POU6F2: variants seen among roughly 807,000 people sequenced by gnomAD.
POU6F2 encodes the protein POU domain, class 6, transcription factor 2.
A neutral mutation model predicts 71.3 loss-of-function variants in POU6F2; 31 were observed. That is an observed-to-expected ratio of 0.43 (90% CI 0.33 to 0.59). The LOEUF (loss-of-function observed/expected upper bound fraction) is 0.59, where lower values mean the gene tolerates loss of function less well. POU6F2 is among the 20% of genes least tolerant of loss of function. The probability of loss-of-function intolerance (pLI) is 0.04; values close to 1 mark genes in which losing one functional copy is unlikely to be tolerated. For synonymous variants in POU6F2, 347 were observed against 355.7 expected, an observed-to-expected ratio of 0.98 and a Z score of 0.27; for missense variants, 783 against 856.8, an observed-to-expected ratio of 0.91 and a Z score of 1.07.
At chr7:39,159,904 TGTG>T (rs1792956411) in intron 2 of POU6F2, among the ~76,000 whole-genome samples, 1 of 152,100 alleles carries the variant, frequency 6.6e-6, no homozygotes, top group Non-Finnish European at 1.5e-5. Flanking sequence ...AAGGTAGACT[TGTG>T]ACTCTCAACC....
chr7:39,037,266 C>T (rs1416960614), intron 1 of POU6F2, among the ~76,000 whole-genome samples: 2 of 152,018 alleles, frequency 1.3e-5, no homozygotes, highest in African/African-American at 4.8e-5. Context: ...TCCCTTTCCC[C>T]AACCTTCATT....
At chr7:39,368,368 A>G (rs1786546116) in intron 5 of POU6F2, among the ~76,000 whole-genome samples, 1 of 152,034 alleles carries the variant, frequency 6.6e-6, no homozygotes, top group South Asian at 2.1e-4. Context: ...CCTCTCTTCA[A>G]TTGTATGAAG....
chr7:39,326,798 A>T (rs1475147007), intron 4 of POU6F2, among the ~76,000 whole-genome samples: 1 of 152,170 alleles, frequency 6.6e-6, no homozygotes, highest in Non-Finnish European at 1.5e-5. Flanking sequence ...CACAGCTGAA[A>T]ATCCATAACA....
chr7:39,158,230 C>T lies in POU6F2; in HGVS notation c.278-46005C>T, dbSNP rs1792914965. 1.3e-5 allele frequency among the ~76,000 whole-genome samples: 2 copies of T among 152,118 alleles called. 1 individual carries two copies. Among genetic ancestry groups the T allele is most frequent in the East Asian group, 3.9e-4 (2 of 5,186 alleles). ...ATAATTATTAGTAATTTTTTAAAAG[C>T]ATTCGTCATTCACTCCTGAATTCAG... On this transcript the variant is annotated intron_variant, in intron 2 of 9. Transcript: ENST00000518318.
At chr7:39,050,796 G>C (rs1790386886) in intron 1 of POU6F2, among the ~76,000 whole-genome samples, 2 of 152,118 alleles carry the variant, frequency 1.3e-5, no homozygotes, top group Non-Finnish European at 2.9e-5. Flanking sequence ...ACAAGAAGGG[G>C]AGCAGCCCAG....
At chr7:39,028,785 T>C (rs1227180734) in intron 1 of POU6F2, among the ~76,000 whole-genome samples, 1 of 152,164 alleles carries the variant, frequency 6.6e-6, no homozygotes, top group Non-Finnish European at 1.5e-5. Flanking sequence ...GGCTTATTCC[T>C]ATGTAACTTG....
At chr7:39,426,692 A>G (rs943307271) in intron 6 of POU6F2, among the ~76,000 whole-genome samples, 7 of 152,052 alleles carry the variant, frequency 4.6e-5, no homozygotes, top group African/African-American at 1.7e-4. Context: ...TATTTCCCCC[A>G]AATTTGAGAG....
At chr7:39,401,313 G>T (rs1787298339) in intron 5 of POU6F2, among the ~76,000 whole-genome samples, 1 of 152,214 alleles carries the variant, frequency 6.6e-6, no homozygotes, top group Non-Finnish European at 1.5e-5. Flanking sequence ...CACCACTACA[G>T]GGAAGGGTGG....
intron 1 of POU6F2, among the ~76,000 whole-genome samples, chr7:39,051,689 C>T (rs1790403611): frequency 6.6e-6 from 1 of 151,984 alleles, no homozygotes. Flanking sequence ...TGATTGCCAT[C>T]CTCTCCTGAA....
At chr7:39,179,092 A>G (rs1793384089) in intron 2 of POU6F2, among the ~76,000 whole-genome samples, 1 of 152,206 alleles carries the variant, frequency 6.6e-6, no homozygotes, top group African/African-American at 2.4e-5. Flanking sequence ...CATAAAGATA[A>G]CATGATTGTA....
intron 4 of POU6F2, among the ~76,000 whole-genome samples, chr7:39,305,827 T>A (rs1583511499): frequency 6.6e-6 from 1 of 152,190 alleles, no homozygotes; most frequent in East Asian, 1.9e-4. Context: ...ATACTTTGAA[T>A]TGTCATGTAT....
rs1364944796 is a variant in POU6F2 at position 39,451,513 on chromosome 7, T to C, written c.1321-20T>C. ...AATTTTTCATTCATTTGTGTATTTT[T>C]TTTACATCCCCTCATGTAGCTCCAC... On this transcript the variant is annotated intron_variant, in intron 7 of 9. Transcript: ENST00000518318. The C allele has an allele frequency of 6.3e-7, 1 of 1,590,294 alleles. No homozygotes were observed.
chr7:39,126,552 C>A (rs1792141165), intron 2 of POU6F2, among the ~76,000 whole-genome samples: 3 of 152,120 alleles, frequency 2.0e-5, no homozygotes, highest in African/African-American at 7.2e-5. Context: ...TGAACTACAG[C>A]AAAATTTGTA....
chr7:39,296,804 A>G (rs1784853906), intron 4 of POU6F2, among the ~76,000 whole-genome samples: 1 of 152,152 alleles, frequency 6.6e-6, no homozygotes, highest in African/African-American at 2.4e-5. Context: ...TAGGTTCTAC[A>G]CCTGGTTTTG....
intron 2 of POU6F2, among the ~76,000 whole-genome samples, chr7:39,114,152 T>A (rs182941216): frequency 2.6e-5 from 4 of 152,314 alleles, no homozygotes; most frequent in Admixed American, 2.6e-4. Context: ...ATTACACACA[T>A]ACAAATAAAC....
At chr7:39,446,902 C>T (rs1246690343) in intron 7 of POU6F2, among the ~76,000 whole-genome samples, 2 of 152,204 alleles carry the variant, frequency 1.3e-5, no homozygotes, top group Non-Finnish European at 2.9e-5. Flanking sequence ...TATGTAAACT[C>T]AGACGGAGAG....
At chr7:39,012,559 G>A (rs1240525683) in intron 1 of POU6F2, among the ~76,000 whole-genome samples, 1 of 151,884 alleles carries the variant, frequency 6.6e-6, no homozygotes, top group East Asian at 1.9e-4. Context: ...TTGTTCCGTT[G>A]CTGGTGAGGA....
rs531983282 is a variant in POU6F2 at position 39,044,948 on chromosome 7, G to A, written c.106-40912G>A. Reference sequence around the variant, plus strand: ...CTATCTGTGGTCATTCCAGGGGCATGGTTTGGTCCCTTTCTGAACCCTCAC... The same window carrying A: ...CTATCTGTGGTCATTCCAGGGGCATAGTTTGGTCCCTTTCTGAACCCTCAC... On this transcript the variant is annotated intron_variant, in intron 1 of 9. Transcript: ENST00000518318. Among the ~76,000 whole-genome samples the A allele has an allele frequency of 2.0e-4, 31 of 151,930 alleles. No homozygotes were observed. In the South Asian group the frequency reaches 6.4e-3, roughly 32 times the overall value.
chr7:39,366,667 G>A (rs950251581), intron 5 of POU6F2, among the ~76,000 whole-genome samples: 5 of 152,106 alleles, frequency 3.3e-5, no homozygotes, highest in Non-Finnish European at 5.9e-5. Context: ...CAGCGTCCTC[G>A]GGACAGCCAG....
Sources: allele counts gnomAD v4.1 joint callset (sites outside exome capture counted in the v4.1 genomes callset), GRCh38; gene constraint gnomAD v4.1.1; transcripts MANE v1.5; gene names NCBI Gene and HGNC (gene_info 2026-07-23, HGNC 2026-07-21).